The following ZNF264 variants were observed in gnomAD, a reference collection of about 807,000 sequenced individuals.
The protein encoded by ZNF264 is zinc finger protein 264.
A neutral mutation model predicts 11.2 loss-of-function variants in ZNF264; 11 were observed. The ratio of observed to expected loss-of-function variants is 0.98; its 90% CI spans 0.62 to 1.63. ZNF264 has a LOEUF of 1.63. Among genes scored for constraint, ZNF264 ranks in the 40% most tolerant of loss-of-function variants. ZNF264 has a pLI of 0.00. For missense variants in ZNF264, 752 were observed against 768.1 expected, an observed-to-expected ratio of 0.98 and a Z score of 0.25; for synonymous variants, 309 against 279.8, an observed-to-expected ratio of 1.10 and a Z score of -1.04.
At chr19:57,204,488 C>T (rs8105666) in intron 2 of ZNF264, among the ~76,000 whole-genome samples, 49,714 of 151,916 alleles carry the variant, frequency 0.33, 8,321 homozygotes, top group African/African-American at 0.36. Flanking sequence ...TCATGAGATC[C>T]GATGGTTTTA....
chr19:57,220,954 T>C lies in ZNF264; in HGVS notation c.*7973T>C, dbSNP rs1030568523. Reference sequence around the variant, plus strand: ...CCACCACACCCAGCCTTTATTGCAATTTTTGGTTCCCTCACAGAATGTTTA... The same window carrying C: ...CCACCACACCCAGCCTTTATTGCAACTTTTGGTTCCCTCACAGAATGTTTA... On this transcript the variant is annotated 3_prime_UTR_variant, in exon 4 of 4. Coordinates refer to ENST00000263095, the MANE Select transcript of ZNF264 (RefSeq NM_003417.5). 1 of 152,038 alleles carries C rather than the reference T, an allele frequency of 6.6e-6. No individual in the cohort carries two copies. Among genetic ancestry groups the C allele is most frequent in the African/African-American group, 2.4e-5 (1 of 41,382 alleles). 9.4% of individuals were successfully genotyped at this position (152,038 alleles called of 1,614,324 possible).
rs755627057 is a variant in ZNF264, at chr19:57,211,493, A to C, written c.396A>C (p.Leu132=). 2 of 1,614,124 alleles carry C rather than the reference A, an allele frequency of 1.2e-6. No individual in the cohort carries two copies. Among genetic ancestry groups the C allele is most frequent in the Admixed American group, 3.3e-5 (2 of 60,016 alleles). ...QLGQAEDQDG[L]SEMQEGHFRP... Reference sequence around the variant, plus strand: ...GGCAAGCCGAGGATCAGGATGGGCTATCAGAAATGCAGGAAGGACACTTCA... The same window carrying C: ...GGCAAGCCGAGGATCAGGATGGGCTCTCAGAAATGCAGGAAGGACACTTCA... The change falls in exon 4 of 4, where the codon CTA becomes CTC. Residue 132 remains leucine (L), a synonymous_variant. Transcript: ENST00000263095.
chr19:57,199,838 A>G (rs968074352), intron 2 of ZNF264, among the ~76,000 whole-genome samples: 3 of 151,724 alleles, frequency 2.0e-5, no homozygotes, highest in African/African-American at 7.3e-5. Context: ...TTGCCTGGCA[A>G]CTGCCTCAGG....
intron 3 of ZNF264, among the ~76,000 whole-genome samples, chr19:57,206,858 G>C (rs912038543): frequency 1.4e-5 from 2 of 143,534 alleles, no homozygotes; most frequent in Admixed American, 1.4e-4. Flanking sequence ...AAAAACCTCA[G>C]GGTGACATTT....
At chr19:57,210,337 C>T (rs947055675) in intron 3 of ZNF264, among the ~76,000 whole-genome samples, 6 of 152,196 alleles carry the variant, frequency 3.9e-5, no homozygotes, top group African/African-American at 1.4e-4. Context: ...ACTCTTCCGA[C>T]ACGGACTACA....
rs907492937 is a variant in ZNF264 at position 57,194,125 on chromosome 19, T to G, written c.160+124T>G. 5.1e-6 allele frequency: 7 copies of G among 1,381,024 alleles called. No individual in the cohort carries two copies. The African/African-American group carries it at 7.3e-5, about 14-fold the overall frequency. 85.5% of individuals were successfully genotyped at this position (1,381,024 alleles called of 1,614,324 possible). A position where few individuals can be genotyped will look rare whatever the true frequency, so the allele number is the denominator to read the frequency against. On this transcript the variant is annotated intron_variant, in intron 2 of 3. Transcript: ENST00000263095. ...TCTACCTTGCCTCTTTCCCACAGCT[T>G]TAGTCATTTTCCACAGTAACCTCTT...
intron 2 of ZNF264, chr19:57,194,705 C>T (rs961320211): frequency 1.3e-5 from 5 of 397,704 alleles, no homozygotes; most frequent in African/African-American, 2.1e-5. Flanking sequence ...TGGTGCCCAC[C>T]CAGATTAAGG....
rs6510049 is a variant in ZNF264 at position 57,221,267 on chromosome 19, C to T, written c.*8286C>T. The stretch of plus-strand genomic sequence containing the variant: ...GATTTCACCATGTTGGCCAGGATGG[C>T]CTCCACCTCCTGACTTCATGATCCA... On this transcript the variant is annotated 3_prime_UTR_variant, in exon 4 of 4. Coordinates refer to ENST00000263095, the MANE Select transcript of ZNF264 (RefSeq NM_003417.5). The T allele has an allele frequency of 0.32, 48,788 of 150,920 alleles. 8,050 individuals carry two copies. The highest frequency in any genetic ancestry group is 0.44 in the Middle Eastern group (123 of 278). 9.3% of individuals were successfully genotyped at this position (150,920 alleles called of 1,614,324 possible).
intron 3 of ZNF264, among the ~76,000 whole-genome samples, 195 bp from the exon 4 acceptor site, chr19:57,211,159 C>T (rs933999545): frequency 3.9e-5 from 6 of 152,132 alleles, no homozygotes; most frequent in African/African-American, 9.7e-5. Flanking sequence ...GCCTCTGCCC[C>T]TAGGTCTCCC....
rs1221976505 is a variant in ZNF264, at chr19:57,216,928, C to G, written c.*3947C>G. 6.6e-6 allele frequency: 1 copy of G among 150,818 alleles called. No homozygotes were observed. Among genetic ancestry groups the G allele is most frequent in the East Asian group, 1.9e-4 (1 of 5,158 alleles). The allele number at this position is 150,818 out of a possible 1,614,324, so 9.3% of individuals were successfully genotyped here. Reference sequence around the variant, plus strand: ...GTTTTTTAGTATAGATCCTCCTTGACTTATGATGGGGTTATGTCACAATAA... The same window carrying G: ...GTTTTTTAGTATAGATCCTCCTTGAGTTATGATGGGGTTATGTCACAATAA... On this transcript the variant is annotated 3_prime_UTR_variant, in exon 4 of 4. Transcript: ENST00000263095.
chr19:57,193,601 G>A, intron 1 of ZNF264: 1 of 940,968 alleles, frequency 1.1e-6, no homozygotes, highest in Non-Finnish European at 1.3e-6. Context: ...TGTCGTTTTA[G>A]AGCCCTTAGC....
chr19:57,199,757 A>G (rs761140501), intron 2 of ZNF264, among the ~76,000 whole-genome samples: 2 of 151,906 alleles, frequency 1.3e-5, no homozygotes, highest in South Asian at 2.1e-4. Flanking sequence ...CTGTGGGCCC[A>G]TCGGGACTTT....
chr19:57,197,357 A>G (rs1378925874), intron 2 of ZNF264, among the ~76,000 whole-genome samples: 1 of 151,844 alleles, frequency 6.6e-6, no homozygotes, highest in African/African-American at 2.4e-5. Flanking sequence ...TGATTTGATG[A>G]CCCATAGTGT....
At chr19:57,202,316 G>A (rs957483922) in intron 2 of ZNF264, among the ~76,000 whole-genome samples, 3 of 151,920 alleles carry the variant, frequency 2.0e-5, no homozygotes, top group African/African-American at 7.3e-5. Flanking sequence ...TTTACAATTC[G>A]TGAAAGAAGA....
Position 57,191,768 on chromosome 19 carries a change from G to T in ZNF264, c.-146G>T. ...GCCACCGAGGAGGCGGCGGCCCTGC[G>T]TCTGGAACGCCGTTGCCACCGAGGA... On this transcript the variant is annotated 5_prime_UTR_variant, in exon 1 of 4. Coordinates refer to ENST00000263095, the MANE Select transcript of ZNF264 (RefSeq NM_003417.5). 1.8e-6 allele frequency: 1 copy of T among 544,974 alleles called. No individual in the cohort carries two copies. 33.8% of individuals were successfully genotyped at this position (544,974 alleles called of 1,614,324 possible). A position where few individuals can be genotyped will look rare whatever the true frequency, so the allele number is the denominator to read the frequency against.
chr19:57,194,252 A>G (rs964667525), intron 2 of ZNF264: 1 of 495,762 alleles, frequency 2.0e-6, no homozygotes, highest in Admixed American at 3.8e-5. Flanking sequence ...TGCAAACTCA[A>G]AGGTAATTTT....
chr19:57,194,077 G>T (rs1295792996), intron 2 of ZNF264, 76 bp downstream of exon 2: 3 of 1,525,994 alleles, frequency 2.0e-6, no homozygotes, highest in Non-Finnish European at 2.6e-6. Context: ...TCCAGGCCTG[G>T]CTGCACAAGA....
intron 2 of ZNF264, among the ~76,000 whole-genome samples, chr19:57,200,633 C>T (rs2087246381): frequency 6.7e-6 from 1 of 150,220 alleles, no homozygotes; most frequent in Admixed American, 6.7e-5. Context: ...CTTTTCTTTT[C>T]TTTTTCTGTC....
At position 57,191,907 on chromosome 19, in the gene ZNF264, T is replaced by A. The variant is rs370638234; in HGVS notation, c.-7T>A. On this transcript the variant is annotated 5_prime_UTR_variant, in exon 1 of 4. Coordinates refer to ENST00000263095, the MANE Select transcript of ZNF264 (RefSeq NM_003417.5). ...TGTCCCAGCTCTGCGGCCCAGGGGG[T>A]GACGTGATGGCGGCAGCGGTGCTGA... 1.3e-5 allele frequency: 20 copies of A among 1,496,966 alleles called. No individual in the cohort carries two copies. The highest frequency in any genetic ancestry group is 1.8e-5 in the Non-Finnish European group (20 of 1,121,452). 92.7% of individuals were successfully genotyped at this position (1,496,966 alleles called of 1,614,324 possible). A position where few individuals can be genotyped will look rare whatever the true frequency, so the allele number is the denominator to read the frequency against.
Sources: allele counts gnomAD v4.1 joint callset (sites outside exome capture counted in the v4.1 genomes callset), GRCh38; gene constraint gnomAD v4.1.1; transcripts MANE v1.5; gene names NCBI Gene and HGNC (gene_info 2026-07-23, HGNC 2026-07-21).